TNFRSF10C: variants seen among roughly 807,000 people sequenced by gnomAD.
The protein encoded by TNFRSF10C is TNF receptor superfamily member 10c, also known as tumor necrosis factor receptor superfamily member 10C.
TNFRSF10C carries 17 observed loss-of-function variants against 16.7 expected under a neutral mutation model. The observed-to-expected ratio is 1.02, with a 90% CI of 0.70 to 1.53. The LOEUF (loss-of-function observed/expected upper bound fraction) is 1.53, where lower values mean the gene tolerates loss of function less well. Ranked by LOEUF, TNFRSF10C falls within the 40% of genes most tolerant of loss-of-function variation. TNFRSF10C has a pLI of 0.00. For missense variants in TNFRSF10C, 237 were observed against 329.7 expected (o/e 0.72, Z 2.18); for synonymous variants, 73 against 119.7 (o/e 0.61, Z 2.55).
At chr8:23,109,752 G>A (rs1813845495) in intron 1 of TNFRSF10C, among the ~76,000 whole-genome samples, 1 of 151,948 alleles carries the variant, frequency 6.6e-6, no homozygotes, top group African/African-American at 2.4e-5. Context: ...ATAAATCAAA[G>A]AATACAAACC....
At chr8:23,104,628 T>C (rs566444179) in intron 1 of TNFRSF10C, among the ~76,000 whole-genome samples, 3 of 152,352 alleles carry the variant, frequency 2.0e-5, no homozygotes, top group African/African-American at 4.8e-5. Flanking sequence ...CGAATTTTCC[T>C]CCAAAAAACC....
chr8:23,117,209 T>C lies in TNFRSF10C; in HGVS notation c.*178T>C. The C allele has an allele frequency of 2.1e-6, 2 of 961,394 alleles. No homozygotes were observed. The highest frequency in any genetic ancestry group is 3.0e-6 in the Non-Finnish European group (2 of 659,522). The allele number at this position is 961,394 out of a possible 1,614,324, so 59.6% of individuals were successfully genotyped here. ...TCCAGCCTGGCTCTATCTTCCTCCT[T>C]GTGATCGTCCCATCCCCACATCCCG... On this transcript the variant is annotated 3_prime_UTR_variant, in exon 5 of 5. Coordinates refer to ENST00000356864, the MANE Select transcript of TNFRSF10C (RefSeq NM_003841.5).
At chr8:23,109,593 T>C (rs1348067579) in intron 1 of TNFRSF10C, among the ~76,000 whole-genome samples, 1 of 150,382 alleles carries the variant, frequency 6.6e-6, no homozygotes, top group Non-Finnish European at 1.5e-5. Flanking sequence ...GCCGAGATTG[T>C]GCCACTGCAC....
chr8:23,116,160 CAAT>C (rs1294343366), intron 4 of TNFRSF10C, among the ~76,000 whole-genome samples: 2 of 152,194 alleles, frequency 1.3e-5, no homozygotes, highest in Non-Finnish European at 2.9e-5. Flanking sequence ...CCCAATCCCT[CAAT>C]AAGTCCTGTC....
Position 23,103,198 on chromosome 8 carries a change from G to T in TNFRSF10C, c.60+17G>T, listed in dbSNP as rs144215650. On this transcript the variant is annotated intron_variant, in intron 1 of 4. Coordinates refer to ENST00000356864, the MANE Select transcript of TNFRSF10C (RefSeq NM_003841.5). The stretch of plus-strand genomic sequence containing the variant: ...CTGCTGCCAGTGAGTCCCGGCCGCG[G>T]TCCCTGGCTGGGGAAGAGCGCACCT... The T allele has an allele frequency of 0.022, 35,121 of 1,605,312 alleles. 498 individuals are homozygous for T. Among genetic ancestry groups the T allele is most frequent in the Middle Eastern group, 0.051 (306 of 6,052 alleles).
intron 3 of TNFRSF10C, 43 bp downstream of exon 3, chr8:23,114,813 G>T: frequency 6.4e-7 from 1 of 1,558,186 alleles, no homozygotes; most frequent in Non-Finnish European, 8.8e-7. Context: ...GGAGCGTGGG[G>T]CAATGAGGTG....
chr8:23,109,423 G>A (rs886322275), intron 1 of TNFRSF10C, among the ~76,000 whole-genome samples: 1 of 151,990 alleles, frequency 6.6e-6, no homozygotes, highest in African/African-American at 2.4e-5. Flanking sequence ...GGATCACGAG[G>A]TCAGAAAATC....
At chr8:23,105,004 G>C (rs1467806891) in intron 1 of TNFRSF10C, among the ~76,000 whole-genome samples, 1 of 152,168 alleles carries the variant, frequency 6.6e-6, no homozygotes, top group Non-Finnish European at 1.5e-5. Context: ...TTCAGTTCCT[G>C]ACCCCAGGTC....
intron 1 of TNFRSF10C, among the ~76,000 whole-genome samples, chr8:23,110,790 G>A (rs1813866428): frequency 6.6e-6 from 1 of 152,192 alleles, no homozygotes; most frequent in Non-Finnish European, 1.5e-5. Context: ...TTGTAAAGCT[G>A]AGTATGTTTA....
intron 4 of TNFRSF10C, among the ~76,000 whole-genome samples, chr8:23,116,096 C>A (rs1185622428): frequency 6.6e-6 from 1 of 152,218 alleles, no homozygotes; most frequent in Non-Finnish European, 1.5e-5. Context: ...GTGGGTGGAG[C>A]TCCTTCAAGT....
intron 1 of TNFRSF10C, among the ~76,000 whole-genome samples, chr8:23,106,487 C>T (rs1335675110): frequency 1.3e-5 from 2 of 149,744 alleles, no homozygotes; most frequent in East Asian, 2.0e-4. Context: ...GAGAGGTCCA[C>T]AGGAGACAAG....
chr8:23,102,968 G>C lies in TNFRSF10C; in HGVS notation c.-154G>C. The C allele has an allele frequency of 6.6e-7, 1 of 1,519,236 alleles. No homozygotes were observed. Among genetic ancestry groups the C allele is most frequent in the African/African-American group, 1.4e-5 (1 of 72,116 alleles). 94.1% of individuals were successfully genotyped at this position (1,519,236 alleles called of 1,614,324 possible). A position where few individuals can be genotyped will look rare whatever the true frequency, so the allele number is the denominator to read the frequency against. On this transcript the variant is annotated 5_prime_UTR_variant, in exon 1 of 5. Transcript: ENST00000356864. ...CTCCACGCGCACGAACTCAGCCAAC[G>C]ATTTCTGATAGATTTTTGGGAGTTT...
At chr8:23,114,272 T>A (rs567689148) in intron 2 of TNFRSF10C, among the ~76,000 whole-genome samples, 1 of 152,124 alleles carries the variant, frequency 6.6e-6, no homozygotes, top group East Asian at 1.9e-4. Context: ...GTACAGTAGG[T>A]TGGATGTTAT....
chr8:23,115,821 A>G (rs899012050), intron 4 of TNFRSF10C, among the ~76,000 whole-genome samples: 1 of 127,696 alleles, frequency 7.8e-6, no homozygotes, highest in African/African-American at 3.0e-5. Context: ...GCCCCTTCCC[A>G]GACCCTCCCC....
chr8:23,116,701 T>A lies in TNFRSF10C; in HGVS notation c.450T>A (p.Val150=). 1.2e-6 allele frequency: 2 copies of A among 1,614,100 alleles called. No individual in the cohort carries two copies. Among genetic ancestry groups the A allele is most frequent in the Non-Finnish European group, 1.7e-6 (2 of 1,180,026 alleles). The stretch of plus-strand genomic sequence containing the variant: ...CGTCCTGGGATGATATCCAGTGTGT[T>A]GAAGAATTTGGTGCCAATGCCACTG... ...NCTSWDDIQC[V]EEFGANATVE... The change falls in exon 5 of 5, where the codon GTT becomes GTA. Residue 150 remains valine, a synonymous_variant. Coordinates refer to ENST00000356864, the MANE Select transcript of TNFRSF10C (RefSeq NM_003841.5).
chr8:23,115,472 GA>G, intron 3 of TNFRSF10C, 35 bp from the exon 4 acceptor site: 1 of 1,579,176 alleles, frequency 6.3e-7, no homozygotes, highest in Non-Finnish European at 8.7e-7. Flanking sequence ...ATACATCAGG[GA>G]AACACATTCC....
At chr8:23,107,681 G>T (rs11987606) in intron 1 of TNFRSF10C, among the ~76,000 whole-genome samples, 16,842 of 152,238 alleles carry the variant, frequency 0.11, 2,810 homozygotes, top group African/African-American at 0.36. Context: ...GGGAAAAGGA[G>T]TAAAAAAATT....
Position 23,114,679 on chromosome 8 carries a change from T to TG in TNFRSF10C, c.191dup (p.Ala65SerfsTer3). ...CAGGATCTCATAGATCAGAACATAC[T>TG]GGAGCCTGTAACCCGTGCACAGAGG... On this transcript the variant is annotated frameshift_variant, in exon 3 of 5. Coordinates refer to ENST00000356864, the MANE Select transcript of TNFRSF10C (RefSeq NM_003841.5). LOFTEE classifies it high-confidence loss of function. 2 of 1,613,322 alleles carry TG rather than the reference T, an allele frequency of 1.2e-6. No homozygotes were observed. The highest frequency in any genetic ancestry group is 3.3e-5 in the Admixed American group (2 of 59,994).
At chr8:23,109,464 T>C (rs770444857) in intron 1 of TNFRSF10C, among the ~76,000 whole-genome samples, 9 of 151,772 alleles carry the variant, frequency 5.9e-5, no homozygotes, top group Non-Finnish European at 1.2e-4. Flanking sequence ...GGTGAAACCC[T>C]GTCTCTACTA....
Sources: gnomAD v4.1 joint callset for allele counts (sites outside exome capture counted in the v4.1 genomes callset) on GRCh38, gnomAD v4.1.1 for gene constraint, MANE v1.5 for transcripts, NCBI Gene and HGNC (gene_info 2026-07-23, HGNC 2026-07-21) for gene names.